The following TBC1D5 variants were observed in gnomAD, a reference collection of about 807,000 sequenced individuals.
TBC1D5 encodes the protein TBC1 domain family, member 5.
In TBC1D5, 75 loss-of-function variants were observed where a neutral mutation model predicts 100.3. That is an observed-to-expected ratio of 0.75 (90% CI 0.62 to 0.91). TBC1D5 has a LOEUF of 0.91. Among genes scored for constraint, TBC1D5 ranks in the 40% least tolerant of loss-of-function variants. TBC1D5 has a pLI of 0.00. For missense variants in TBC1D5, 910 were observed against 942.4 expected (o/e 0.97, Z 0.45); for synonymous variants, 323 against 325.6 (o/e 0.99, Z 0.09).
chr3:17,654,895 G>A (rs1253261018), intron 1 of TBC1D5, among the ~76,000 whole-genome samples: 2 of 152,144 alleles, frequency 1.3e-5, no homozygotes, highest in African/African-American at 4.8e-5. Flanking sequence ...TTGGGAGGGT[G>A]TATGTGTCGA....
intron 3 of TBC1D5, among the ~76,000 whole-genome samples, chr3:17,473,247 T>A (rs1350025231): frequency 1.3e-5 from 2 of 152,130 alleles, no homozygotes; most frequent in Non-Finnish European, 2.9e-5. Context: ...TCTGTGTCTA[T>A]TATAAGTTTT....
At chr3:17,163,976 A>G (rs953090018) in intron 21 of TBC1D5, among the ~76,000 whole-genome samples, 2 of 152,214 alleles carry the variant, frequency 1.3e-5, no homozygotes, top group Non-Finnish European at 1.5e-5. Context: ...GGGTCCCACA[A>G]AGTCCTGCCT....
chr3:17,523,287 G>A (rs1351069647), intron 2 of TBC1D5, among the ~76,000 whole-genome samples: 1 of 152,096 alleles, frequency 6.6e-6, no homozygotes, highest in Non-Finnish European at 1.5e-5. Context: ...TATGTACAAT[G>A]GCATGGGGAA....
rs140048923 is a variant in TBC1D5 at position 17,620,734 on chromosome 3, C to G, written c.-36+3115G>C. 7.2e-5 allele frequency among the ~76,000 whole-genome samples: 11 copies of G among 152,046 alleles called. No homozygotes were observed. The East Asian group carries it at 2.1e-3, about 29-fold the overall frequency. The stretch of plus-strand genomic sequence containing the variant: ...GAGTATACCTTTTTGTACAGTTTTA[C>G]TTTTTGGAAAAGTAAATAATTTCCT... On this transcript the variant is annotated intron_variant, in intron 2 of 21. Transcript: ENST00000253692.
rs981650606 is a variant in TBC1D5 at position 17,297,975 on chromosome 3, C to T, written c.1139-5974G>A. Among the ~76,000 whole-genome samples, 8 of 152,226 alleles carry T rather than the reference C, an allele frequency of 5.3e-5. 1 individual carries two copies. Among genetic ancestry groups the T allele is most frequent in the Admixed American group, 5.2e-4 (8 of 15,284 alleles). ...CTCAGAATCAAAGCCCAAGTTCTAC[C>T]TCCGCATCTGTAAAATGTCATGGAA... On this transcript the variant is annotated intron_variant, in intron 14 of 21. Coordinates refer to ENST00000253692, the Ensembl canonical transcript of TBC1D5.
chr3:17,641,032 A>G (rs563645832), intron 1 of TBC1D5, among the ~76,000 whole-genome samples: 2 of 152,146 alleles, frequency 1.3e-5, no homozygotes, highest in Admixed American at 1.3e-4. Context: ...TTCATCTACT[A>G]CTTGACAGTT....
chr3:17,332,190 G>A (rs2086968214), intron 13 of TBC1D5, among the ~76,000 whole-genome samples: 1 of 152,130 alleles, frequency 6.6e-6, no homozygotes, highest in Admixed American at 6.6e-5. Flanking sequence ...CTGGTAACAA[G>A]TGGGGGTATT....
At chr3:17,634,746 A>C (rs930912522) in intron 1 of TBC1D5, among the ~76,000 whole-genome samples, 1 of 152,176 alleles carries the variant, frequency 6.6e-6, no homozygotes, top group Non-Finnish European at 1.5e-5. Context: ...TGGATTGTTA[A>C]CACAAATGAT....
rs2073402538 is a variant in TBC1D5, at chr3:17,702,836, G to C, written c.-101+36507C>G. On this transcript the variant is annotated intron_variant, in intron 1 of 21. Transcript: ENST00000253692. ...TAAAACTTCCATCAGGTATAAATAA[G>C]TAAAGGCAGAGTGTGGCAAAAATTG... Among the ~76,000 whole-genome samples, 5 of 152,204 alleles carry C rather than the reference G, an allele frequency of 3.3e-5. No individual in the cohort carries two copies. In the South Asian group the frequency reaches 1.0e-3, roughly 32 times the overall value.
chr3:17,475,522 T>A (rs1216682823), intron 3 of TBC1D5, among the ~76,000 whole-genome samples: 1 of 152,086 alleles, frequency 6.6e-6, no homozygotes, highest in Non-Finnish European at 1.5e-5. Flanking sequence ...TCTAGATAAA[T>A]CTTTTACCTC....
Position 17,316,930 on chromosome 3 carries a change from TGGCAGGTACTGTGCTA to T in TBC1D5, c.996-8812_996-8797del, listed in dbSNP as rs1394618252. 1.5e-4 allele frequency among the ~76,000 whole-genome samples: 23 copies of T among 152,328 alleles called. No individual in the cohort carries two copies. In the Middle Eastern group the frequency reaches 0.01, roughly 68 times the overall value. ...AAGTATTTCCTAAACTTCAACAGTG[TGGCAGGTACTGTGCTA>T]GGCCATAGACTGAATGCCATGCTGA... On this transcript the variant is annotated intron_variant, in intron 13 of 21. Transcript: ENST00000253692.
intron 15 of TBC1D5, among the ~76,000 whole-genome samples, chr3:17,262,654 TG>T (rs1425551025): frequency 6.6e-6 from 1 of 151,784 alleles, no homozygotes; most frequent in Non-Finnish European, 1.5e-5. Context: ...GCTAATTTTT[TG>T]TATTTTTAGT....
chr3:17,395,602 A>G (rs561702253), intron 8 of TBC1D5, among the ~76,000 whole-genome samples: 1 of 152,200 alleles, frequency 6.6e-6, no homozygotes, highest in South Asian at 2.1e-4. Flanking sequence ...TAAATCTACA[A>G]CTATAAATAG....
chr3:17,357,266 T>A (rs1449524109), intron 13 of TBC1D5, among the ~76,000 whole-genome samples: 4 of 152,162 alleles, frequency 2.6e-5, no homozygotes, highest in Non-Finnish European at 4.4e-5. Context: ...GTCTGACCAA[T>A]CTGGGCAGCA....
At chr3:17,427,525 T>G (rs897720928) in intron 4 of TBC1D5, among the ~76,000 whole-genome samples, 1 of 151,906 alleles carries the variant, frequency 6.6e-6, no homozygotes, top group African/African-American at 2.4e-5. Flanking sequence ...ATAAATTCCA[T>G]ATTTATTATA....
At chr3:17,293,449 C>T (rs748390834) in intron 14 of TBC1D5, among the ~76,000 whole-genome samples, 31 of 152,150 alleles carry the variant, frequency 2.0e-4, no homozygotes, top group Non-Finnish European at 4.1e-4. Context: ...AAGTTTTGAT[C>T]TCATGACTCA....
intron 1 of TBC1D5, among the ~76,000 whole-genome samples, chr3:17,723,578 G>T (rs917901997): frequency 2.0e-5 from 3 of 152,114 alleles, no homozygotes; most frequent in Non-Finnish European, 4.4e-5. Context: ...TATACAGTTT[G>T]CCCTTGAACA....
intron 1 of TBC1D5, among the ~76,000 whole-genome samples, chr3:17,701,298 G>A (rs1038885801): frequency 1.1e-4 from 17 of 152,188 alleles, no homozygotes; most frequent in East Asian, 5.8e-4. Flanking sequence ...GACATAAGGC[G>A]GGGAACATCA....
intron 17 of TBC1D5, among the ~76,000 whole-genome samples, chr3:17,234,302 T>C (rs891742341): frequency 9.2e-5 from 14 of 152,132 alleles, no homozygotes; most frequent in African/African-American, 3.1e-4. Context: ...ACCTGTGAAC[T>C]GCATACCCTT....
Sources: allele counts gnomAD v4.1 joint callset (sites outside exome capture counted in the v4.1 genomes callset), GRCh38; gene constraint gnomAD v4.1.1; transcripts MANE v1.5; gene names NCBI Gene and HGNC (gene_info 2026-07-23, HGNC 2026-07-21).